Variants in BNC2 observed in about 807,000 individuals in gnomAD.
The protein encoded by BNC2 is zinc finger protein basonuclin-2.
BNC2 carries 20 observed loss-of-function variants against 76.3 expected under a neutral mutation model. The ratio of observed to expected loss-of-function variants is 0.26; its 90% CI spans 0.18 to 0.38. BNC2 has a LOEUF of 0.38. Among genes scored for constraint, BNC2 ranks in the 10% least tolerant of loss-of-function variants. The pLI is 1.00. For missense variants in BNC2, 1,382 were observed against 1,399.8 expected, an observed-to-expected ratio of 0.99 and a Z score of 0.20; for synonymous variants, 582 against 514.8, an observed-to-expected ratio of 1.13 and a Z score of -1.77.
At chr9:16,763,441 G>T (rs1320112825) in intron 1 of BNC2, among the ~76,000 whole-genome samples, 1 of 151,958 alleles carries the variant, frequency 6.6e-6, no homozygotes, top group East Asian at 1.9e-4. Context: ...ATAGTGACAT[G>T]CACCTGTGGT....
At chr9:16,694,930 A>G (rs1823292094) in intron 3 of BNC2, among the ~76,000 whole-genome samples, 1 of 152,180 alleles carries the variant, frequency 6.6e-6, no homozygotes, top group Non-Finnish European at 1.5e-5. Flanking sequence ...GGGAGATGAA[A>G]AGCTGTAGTA....
intron 5 of BNC2, among the ~76,000 whole-genome samples, chr9:16,488,237 CG>C (rs1822206343): frequency 6.6e-6 from 1 of 152,086 alleles, no homozygotes; most frequent in African/African-American, 2.4e-5. Context: ...TTCTCCCCAA[CG>C]TACTATATCT....
chr9:16,792,314 G>A (rs1817533519), intron 1 of BNC2, among the ~76,000 whole-genome samples: 1 of 152,202 alleles, frequency 6.6e-6, no homozygotes, highest in African/African-American at 2.4e-5. Context: ...AAGCAGTGAA[G>A]TCAGGATTTG....
At chr9:16,792,376 A>G (rs546347291) in intron 1 of BNC2, among the ~76,000 whole-genome samples, 15 of 152,172 alleles carry the variant, frequency 9.9e-5, no homozygotes, top group Non-Finnish European at 2.2e-4. Flanking sequence ...TTCATCACTA[A>G]CTTATCTGCT....
At chr9:16,529,080 C>T (rs1817899344) in intron 5 of BNC2, among the ~76,000 whole-genome samples, 1 of 152,188 alleles carries the variant, frequency 6.6e-6, no homozygotes, top group Non-Finnish European at 1.5e-5. Context: ...ATGTCTTCTG[C>T]TCTGTATGTA....
At chr9:16,697,449 C>T (rs1197551294) in intron 3 of BNC2, among the ~76,000 whole-genome samples, 3 of 152,046 alleles carry the variant, frequency 2.0e-5, no homozygotes, top group African/African-American at 2.4e-5. Flanking sequence ...TGGCAGGGCA[C>T]GGTGGCTCAC....
chr9:16,530,843 G>A (rs540156481), intron 5 of BNC2, among the ~76,000 whole-genome samples: 1 of 152,316 alleles, frequency 6.6e-6, no homozygotes, highest in African/African-American at 2.4e-5. Flanking sequence ...AGATGCAGGG[G>A]AAGAGCATGA....
intron 1 of BNC2, among the ~76,000 whole-genome samples, chr9:16,806,252 G>C (rs982018276): frequency 3.9e-5 from 6 of 152,130 alleles, no homozygotes; most frequent in Non-Finnish European, 8.8e-5. Context: ...AAAGCAGGAG[G>C]ATCACTTGAG....
chr9:16,430,059 C>T, intron 6 of BNC2: 1 of 471,300 alleles, frequency 2.1e-6, no homozygotes, highest in Non-Finnish European at 4.3e-6. Context: ...CAAAGTTTTG[C>T]TTGAGGAGGG....
Position 16,583,050 on chromosome 9 carries a change from T to C in BNC2, c.366A>G (p.Glu122=), listed in dbSNP as rs1199121111. 2 of 1,614,000 alleles carry C rather than the reference T, an allele frequency of 1.2e-6. No homozygotes were observed. The highest frequency in any genetic ancestry group is 4.5e-5 in the East Asian group (2 of 44,866). The change falls in exon 4 of 7, where the codon GAA becomes GAG. Residue 122 remains glutamate, a synonymous_variant. Coordinates refer to ENST00000380672, the MANE Select transcript of BNC2 (RefSeq NM_017637.6). ...IRCTLVNCTC[E]CFQPGKINLR... ...GGTTAATCTTCCCTGGCTGAAAACA[T>C]TCACATGTGCAGTTTACCAGTGTGC... is the stretch of plus-strand genomic sequence containing the variant.
chr9:16,797,984 A>C (rs1817697978), intron 1 of BNC2, among the ~76,000 whole-genome samples: 1 of 152,164 alleles, frequency 6.6e-6, no homozygotes, highest in Admixed American at 6.5e-5. Flanking sequence ...TAGCTCAGTG[A>C]AAGTAATTAC....
chr9:16,710,199 A>G (rs1460431522), intron 3 of BNC2, among the ~76,000 whole-genome samples: 1 of 152,210 alleles, frequency 6.6e-6, no homozygotes, highest in Non-Finnish European at 1.5e-5. Flanking sequence ...AAAAGAAATG[A>G]ATGACAATGA....
chr9:16,608,043 C>T (rs542775952), intron 3 of BNC2, among the ~76,000 whole-genome samples: 2 of 152,188 alleles, frequency 1.3e-5, no homozygotes, highest in East Asian at 3.9e-4. Flanking sequence ...TTAAATAAAG[C>T]CTTCAAGAAA....
At chr9:16,621,034 C>T (rs1182939739) in intron 3 of BNC2, among the ~76,000 whole-genome samples, 1 of 152,178 alleles carries the variant, frequency 6.6e-6, no homozygotes, top group African/African-American at 2.4e-5. Flanking sequence ...TTCCAGAAAA[C>T]TCACCCAAGA....
chr9:16,715,006 T>C (rs1228824786), intron 3 of BNC2, among the ~76,000 whole-genome samples: 1 of 152,174 alleles, frequency 6.6e-6, no homozygotes, highest in Non-Finnish European at 1.5e-5. Context: ...GGGGAAGTTT[T>C]CCCCCTTGTG....
chr9:16,866,160 C>T (rs1386406724), intron 1 of BNC2, among the ~76,000 whole-genome samples: 1 of 152,020 alleles, frequency 6.6e-6, no homozygotes, highest in Non-Finnish European at 1.5e-5. Context: ...AACTGTATCA[C>T]AAATGTTAAT....
rs115894170 is a variant in BNC2 at position 16,555,968 on chromosome 9, A to C, written c.434-3203T>G. The stretch of plus-strand genomic sequence containing the variant: ...ATAGCAAGAAAGCAGCCATACACAG[A>C]TAAGACTTAAACTATTAGGTGTGTC... On this transcript the variant is annotated intron_variant, in intron 4 of 6. Coordinates refer to ENST00000380672, the MANE Select transcript of BNC2 (RefSeq NM_017637.6). 8.9e-3 allele frequency among the ~76,000 whole-genome samples: 1,353 copies of C among 152,224 alleles called. 22 individuals carry two copies. Among genetic ancestry groups the C allele is most frequent in the African/African-American group, 0.031 (1,297 of 41,546 alleles).
intron 1 of BNC2, among the ~76,000 whole-genome samples, chr9:16,784,394 C>T (rs1392792289): frequency 6.6e-6 from 1 of 152,036 alleles, no homozygotes; most frequent in Non-Finnish European, 1.5e-5. Context: ...TAGTTTGGAG[C>T]GCTATACAAA....
intron 5 of BNC2, among the ~76,000 whole-genome samples, chr9:16,465,839 G>T (rs375041209): frequency 2.0e-5 from 3 of 151,902 alleles, no homozygotes; most frequent in African/African-American, 7.3e-5. Flanking sequence ...GGGCATTCAG[G>T]CAGGAGAAGG....
Sources: allele counts gnomAD v4.1 joint callset (sites outside exome capture counted in the v4.1 genomes callset), GRCh38; gene constraint gnomAD v4.1.1; transcripts MANE v1.5; gene names NCBI Gene and HGNC (gene_info 2026-07-23, HGNC 2026-07-21).